TDRD3: variants seen among roughly 807,000 people sequenced by gnomAD.
TDRD3 encodes the protein tudor domain-containing protein 3.
A neutral mutation model predicts 86.7 loss-of-function variants in TDRD3; 45 were observed. That is an observed-to-expected ratio of 0.52 (90% CI 0.41 to 0.67). The LOEUF is 0.67. Ranked by LOEUF, TDRD3 falls within the 30% of genes least tolerant of loss-of-function variation. The pLI is 0.00. For synonymous variants in TDRD3, 298 were observed against 301.7 expected (o/e 0.99, Z 0.13); for missense variants, 814 against 889.0 (o/e 0.92, Z 1.07).
chr13:60,531,061 A>G (rs112304450), intron 11 of TDRD3, among the ~76,000 whole-genome samples: 62 of 152,292 alleles, frequency 4.1e-4, no homozygotes, highest in Middle Eastern at 6.8e-3. Context: ...TGTGACTGGG[A>G]TGATGATTAT....
intron 5 of TDRD3, among the ~76,000 whole-genome samples, chr13:60,479,354 A>C (rs1464850201): frequency 6.6e-6 from 1 of 152,226 alleles, no homozygotes; most frequent in Non-Finnish European, 1.5e-5. Context: ...ACTGTGGTCC[A>C]AATGTGTGCT....
At chr13:60,409,436 C>G (rs902206429) in intron 1 of TDRD3, among the ~76,000 whole-genome samples, 1 of 152,182 alleles carries the variant, frequency 6.6e-6, no homozygotes, top group Non-Finnish European at 1.5e-5. Flanking sequence ...TCAACACCAG[C>G]CTGTGAAAGC....
At chr13:60,535,274 G>T in intron 12 of TDRD3, 41 bp downstream of exon 12, 1 of 1,561,050 alleles carries the variant, frequency 6.4e-7, no homozygotes, top group South Asian at 1.2e-5. Flanking sequence ...AAACTATTTT[G>T]AAGAAAATAT....
rs148714770 is a variant in TDRD3 at position 60,403,676 on chromosome 13, G to A, written c.41+6271G>A. On this transcript the variant is annotated intron_variant, in intron 1 of 13. Transcript: ENST00000377881. ...GCAGAAAAGAAACAGGTTGGTGATGGACAAAAGGAGGAAAGAACTGCATAG... is the reference window on the plus strand; with the variant it reads ...GCAGAAAAGAAACAGGTTGGTGATGAACAAAAGGAGGAAAGAACTGCATAG... Among the ~76,000 whole-genome samples the A allele has an allele frequency of 2.1e-3, 324 of 152,300 alleles. 1 individual carries two copies. The highest frequency in any genetic ancestry group is 3.4e-3 in the Middle Eastern group (1 of 294).
chr13:60,439,094 A>C (rs1955191447), intron 1 of TDRD3, among the ~76,000 whole-genome samples: 1 of 152,124 alleles, frequency 6.6e-6, no homozygotes, highest in African/African-American at 2.4e-5. Flanking sequence ...AAAAAAGGGC[A>C]AATAAGACAA....
rs151159568 is a variant in TDRD3 at position 60,500,794 on chromosome 13, T to G, written c.858+6219T>G. Among the ~76,000 whole-genome samples the G allele has an allele frequency of 5.0e-3, 758 of 152,272 alleles. 3 individuals are homozygous for G. The highest frequency in any genetic ancestry group is 0.024 in the Middle Eastern group (7 of 294). ...GACCACTCTGAGTGGTCAAAAACTG[T>G]GAAGATGTTTGTATCCCATGTGAGT... On this transcript the variant is annotated intron_variant, in intron 8 of 13. Coordinates refer to ENST00000377881, the MANE Select transcript of TDRD3 (RefSeq NM_001146070.2).
chr13:60,464,581 CACAT>C (rs1955875324), intron 4 of TDRD3, among the ~76,000 whole-genome samples: 3 of 151,962 alleles, frequency 2.0e-5, no homozygotes, highest in Admixed American at 1.3e-4. Context: ...TACACACACA[CACAT>C]ACACACACAC....
At chr13:60,434,189 G>A (rs1255050017) in intron 1 of TDRD3, 1 of 152,128 alleles carries the variant, frequency 6.6e-6, no homozygotes, top group African/African-American at 2.4e-5. Flanking sequence ...AGCACTTAAG[G>A]CTGGGTGTGG....
At chr13:60,476,343 G>T (rs1956186768) in intron 5 of TDRD3, among the ~76,000 whole-genome samples, 1 of 152,008 alleles carries the variant, frequency 6.6e-6, no homozygotes. Flanking sequence ...CAAAGATCAG[G>T]CGTTTGTAGT....
intron 1 of TDRD3, among the ~76,000 whole-genome samples, chr13:60,430,840 TTTG>T: frequency 6.6e-6 from 1 of 152,026 alleles, no homozygotes; most frequent in East Asian, 1.9e-4. Flanking sequence ...AAAATAGAAG[TTTG>T]TTGTTTATTA....
chr13:60,438,082 T>C (rs1305225953), intron 1 of TDRD3, among the ~76,000 whole-genome samples: 1 of 152,180 alleles, frequency 6.6e-6, no homozygotes, highest in Admixed American at 6.6e-5. Flanking sequence ...GTAAACTTCT[T>C]GAGGGCAGGT....
chr13:60,571,457 T>C lies in TDRD3; in HGVS notation c.*10-2159T>C, dbSNP rs576011603. Among the ~76,000 whole-genome samples the C allele has an allele frequency of 2.0e-3, 303 of 152,308 alleles. 1 individual carries two copies. Among genetic ancestry groups the C allele is most frequent in the Non-Finnish European group, 3.6e-3 (244 of 68,020 alleles). On this transcript the variant is annotated intron_variant, in intron 13 of 13. Transcript: ENST00000377881. ...GCAAATATAAGCATGAATTCTAATA[T>C]ATGCTGAAATTTTCTAAGGTTTTGT... is the stretch of plus-strand genomic sequence containing the variant.
rs375192780 is a variant in TDRD3 at position 60,471,824 on chromosome 13, T to A, written c.495+4445T>A. Among the ~76,000 whole-genome samples the A allele has an allele frequency of 5.9e-5, 9 of 152,308 alleles. No homozygotes were observed. The East Asian group carries it at 1.4e-3, about 23-fold the overall frequency. The stretch of plus-strand genomic sequence containing the variant: ...GATCACGTTATCTGTGAAGAGTTAA[T>A]TTTATTTCTTCCTTCTCAATTTGAA... On this transcript the variant is annotated intron_variant, in intron 5 of 13. Transcript: ENST00000377881.
intron 1 of TDRD3, among the ~76,000 whole-genome samples, chr13:60,417,428 G>T (rs1225752212): frequency 1.4e-5 from 2 of 140,588 alleles, no homozygotes; most frequent in Admixed American, 7.6e-5. Flanking sequence ...TGCAACCTTT[G>T]CCTCCTGGAT....
Position 60,467,345 on chromosome 13 carries a change from T to C in TDRD3, c.461T>C (p.Val154Ala). The C allele has an allele frequency of 6.2e-7, 1 of 1,613,928 alleles. No individual in the cohort carries two copies. Among genetic ancestry groups the C allele is most frequent in the South Asian group, 1.1e-5 (1 of 91,056 alleles). ...AACACCACAGTTCTTGGTGGTGAAGTGGAACACCTTATTGAGAAATGGGAG... is the reference window on the plus strand; with the variant it reads ...AACACCACAGTTCTTGGTGGTGAAGCGGAACACCTTATTGAGAAATGGGAG... ...DSNTTVLGGE[V>A]EHLIEKWELQ... Residue 154 changes from valine to alanine, a missense_variant, in exon 5 of 14, where the codon GTG becomes GCG. Transcript: ENST00000377881.
chr13:60,533,289 G>GA (rs1957624598), intron 11 of TDRD3, among the ~76,000 whole-genome samples: 1 of 152,156 alleles, frequency 6.6e-6, no homozygotes, highest in African/African-American at 2.4e-5. Flanking sequence ...AGAAGGATGT[G>GA]AAAAATATGA....
Position 60,540,703 on chromosome 13 carries a change from A to G in TDRD3, c.2118+5470A>G, listed in dbSNP as rs993809266. 3.3e-5 allele frequency among the ~76,000 whole-genome samples: 5 copies of G among 152,184 alleles called. No individual in the cohort carries two copies. In the East Asian group the frequency reaches 9.6e-4, roughly 29 times the overall value. ...ACTAAGAAAATAATATGCTGTTTTAATAATCTGTACAAAGTATTGTTTGAA... is the reference window on the plus strand; with the variant it reads ...ACTAAGAAAATAATATGCTGTTTTAGTAATCTGTACAAAGTATTGTTTGAA... On this transcript the variant is annotated intron_variant, in intron 12 of 13. Coordinates refer to ENST00000377881, the MANE Select transcript of TDRD3 (RefSeq NM_001146070.2).
At chr13:60,548,462 A>G (rs1957979724) in intron 12 of TDRD3, among the ~76,000 whole-genome samples, 1 of 152,176 alleles carries the variant, frequency 6.6e-6, no homozygotes, top group South Asian at 2.1e-4. Context: ...AATAGTAATA[A>G]TAGCCACTTA....
chr13:60,477,673 T>C (rs1956216523), intron 5 of TDRD3, among the ~76,000 whole-genome samples: 1 of 152,222 alleles, frequency 6.6e-6, no homozygotes, highest in Admixed American at 6.5e-5. Flanking sequence ...GTGAATCACA[T>C]GTATTGATTT....
Sources: gnomAD v4.1 joint callset for allele counts (sites outside exome capture counted in the v4.1 genomes callset) on GRCh38, gnomAD v4.1.1 for gene constraint, MANE v1.5 for transcripts, NCBI Gene and HGNC (gene_info 2026-07-23, HGNC 2026-07-21) for gene names.